Variants in SORCS1 observed in about 807,000 individuals in gnomAD.
The protein encoded by SORCS1 is sortilin related VPS10 domain containing receptor 1.
SORCS1 carries 60 observed loss-of-function variants against 146.1 expected under a neutral mutation model. The observed-to-expected ratio is 0.41, with a 90% confidence interval of 0.33 to 0.51. The LOEUF is 0.51. Among genes scored for constraint, SORCS1 ranks in the 20% least tolerant of loss-of-function variants. The pLI, the probability that SORCS1 is intolerant of heterozygous loss-of-function variation, is 0.21. For synonymous variants in SORCS1, 637 were observed against 584.0 expected, an observed-to-expected ratio of 1.09 and a Z score of -1.31; for missense variants, 1,352 against 1,487.6, an observed-to-expected ratio of 0.91 and a Z score of 1.50.
At chr10:106,924,224 A>G (rs1477350566) in intron 2 of SORCS1, among the ~76,000 whole-genome samples, 1 of 150,492 alleles carries the variant, frequency 6.6e-6, no homozygotes, top group Non-Finnish European at 1.5e-5. Context: ...ACTGTATTCC[A>G]GCCTGGACAA....
chr10:106,939,090 A>T (rs1459565223), intron 2 of SORCS1, among the ~76,000 whole-genome samples: 1 of 152,208 alleles, frequency 6.6e-6, no homozygotes, highest in African/African-American at 2.4e-5. Context: ...GAGAAGGGCA[A>T]TACCAAATTT....
At chr10:106,589,361 C>A (rs938413720) in intron 24 of SORCS1, among the ~76,000 whole-genome samples, 1 of 152,144 alleles carries the variant, frequency 6.6e-6, no homozygotes, top group Non-Finnish European at 1.5e-5. Flanking sequence ...GTTTTCAAGT[C>A]ATTTCCCACT....
At chr10:106,876,170 G>T (rs897634565) in intron 2 of SORCS1, among the ~76,000 whole-genome samples, 1 of 152,110 alleles carries the variant, frequency 6.6e-6, no homozygotes, top group Non-Finnish European at 1.5e-5. Flanking sequence ...AAGCATTCTG[G>T]TTAAAGATAC....
At chr10:106,598,452 G>A (rs1846043723) in intron 23 of SORCS1, among the ~76,000 whole-genome samples, 1 of 151,626 alleles carries the variant, frequency 6.6e-6, no homozygotes, top group African/African-American at 2.4e-5. Context: ...AGTAGAGATG[G>A]GATTTCACCA....
chr10:106,740,085 A>C (rs1433696178), intron 5 of SORCS1, among the ~76,000 whole-genome samples: 4 of 152,152 alleles, frequency 2.6e-5, no homozygotes, highest in African/African-American at 9.7e-5. Context: ...ACATCAAGCA[A>C]GGGGGGGAAA....
chr10:106,884,102 C>T (rs1564771484), intron 2 of SORCS1, among the ~76,000 whole-genome samples: 1 of 152,172 alleles, frequency 6.6e-6, no homozygotes, highest in Non-Finnish European at 1.5e-5. Flanking sequence ...ACTCTGTCTT[C>T]TCTTATTTCC....
At chr10:107,160,890 A>T (rs146366757) in intron 1 of SORCS1, among the ~76,000 whole-genome samples, 1 of 152,216 alleles carries the variant, frequency 6.6e-6, no homozygotes, top group African/African-American at 2.4e-5. Flanking sequence ...GGATTACTAT[A>T]TAAATTTAGA....
chr10:107,116,183 C>A (rs1966026664), intron 1 of SORCS1, among the ~76,000 whole-genome samples: 1 of 151,910 alleles, frequency 6.6e-6, no homozygotes, highest in Non-Finnish European at 1.5e-5. Context: ...ATTGGTATAG[C>A]CATTATGTAA....
intron 22 of SORCS1, 77 bp from the exon 23 acceptor site, chr10:106,607,374 G>A (rs973358691): frequency 2.5e-6 from 4 of 1,568,970 alleles, no homozygotes; most frequent in Non-Finnish European, 8.6e-7. Flanking sequence ...TTGGTGGGGG[G>A]ATCAGGGGTA....
rs556643405 is a variant in SORCS1, at chr10:106,776,747, T to C, written c.727-55A>G. On this transcript the variant is annotated intron_variant, in intron 3 of 25. Coordinates refer to ENST00000263054, the MANE Select transcript of SORCS1 (RefSeq NM_052918.5). ...CAACAGAAAATTAAGTTTACAAATTTGCAAAACTTGAAAATTAGCTAATTT... is the reference window on the plus strand; with the variant it reads ...CAACAGAAAATTAAGTTTACAAATTCGCAAAACTTGAAAATTAGCTAATTT... The C allele has an allele frequency of 4.2e-5, 67 of 1,576,714 alleles. No homozygotes were observed. In the Middle Eastern group the frequency reaches 1.7e-3, roughly 40 times the overall value.
At chr10:107,120,378 T>G in intron 1 of SORCS1, among the ~76,000 whole-genome samples, 1 of 152,202 alleles carries the variant, frequency 6.6e-6, no homozygotes, top group East Asian at 1.9e-4. Flanking sequence ...ATAAAAAAAT[T>G]CACTGCCTGT....
chr10:106,653,229 T>C (rs1375780174), intron 17 of SORCS1, among the ~76,000 whole-genome samples: 2 of 152,232 alleles, frequency 1.3e-5, no homozygotes, highest in Non-Finnish European at 2.9e-5. Flanking sequence ...ATATAATTTA[T>C]CAGATTCATA....
intron 24 of SORCS1, among the ~76,000 whole-genome samples, chr10:106,587,979 C>CCTG: frequency 6.6e-6 from 1 of 152,306 alleles, no homozygotes; most frequent in Middle Eastern, 3.4e-3. Context: ...GAAAGCCCAG[C>CCTG]GTAGGGCAAC....
the SORCS1 span, among the ~76,000 whole-genome samples, chr10:107,175,139 G>T: frequency 1.3e-5 from 2 of 152,116 alleles, no homozygotes; most frequent in Non-Finnish European, 2.9e-5. Flanking sequence ...TTATTATAGT[G>T]TTGAATCTGA....
chr10:107,086,553 C>T (rs143801012), intron 1 of SORCS1, among the ~76,000 whole-genome samples: 175 of 152,246 alleles, frequency 1.1e-3, no homozygotes, highest in Non-Finnish European at 2.1e-3. Context: ...ATTTTGACTT[C>T]GCCATTTATA....
intron 1 of SORCS1, among the ~76,000 whole-genome samples, chr10:106,966,948 A>C (rs1300143497): frequency 6.6e-6 from 1 of 152,328 alleles, no homozygotes; most frequent in South Asian, 2.1e-4. Flanking sequence ...AAACCAAACT[A>C]TCAGACTCTA....
At chr10:106,675,263 G>A in intron 13 of SORCS1, 107 bp from the exon 14 acceptor site, 3 of 789,160 alleles carry the variant, frequency 3.8e-6, no homozygotes, top group Non-Finnish European at 6.0e-6. Context: ...AAAAGTAGCT[G>A]AGATTTTGTC....
At chr10:107,063,482 A>G (rs191977212) in intron 1 of SORCS1, among the ~76,000 whole-genome samples, 52 of 152,340 alleles carry the variant, frequency 3.4e-4, no homozygotes, top group African/African-American at 1.2e-3. Flanking sequence ...GTTAATAAAA[A>G]GTAACCATGT....
intron 3 of SORCS1, among the ~76,000 whole-genome samples, chr10:106,800,608 A>G (rs1406354541): frequency 7.5e-6 from 1 of 133,558 alleles, no homozygotes; most frequent in Non-Finnish European, 1.5e-5. Context: ...TGCAAGCTCC[A>G]CCTCCCGGGT....
Sources: allele counts gnomAD v4.1 joint callset (sites outside exome capture counted in the v4.1 genomes callset), GRCh38; gene constraint gnomAD v4.1.1; transcripts MANE v1.5; gene names NCBI Gene and HGNC (gene_info 2026-07-23, HGNC 2026-07-21).